The following TGFBRAP1 variants were observed in gnomAD, a reference collection of about 807,000 sequenced individuals.
The protein encoded by TGFBRAP1 is transforming growth factor beta receptor associated protein 1.
In TGFBRAP1, 20 loss-of-function variants were observed where a neutral mutation model predicts 83.2. That is an observed-to-expected ratio of 0.24 (90% CI 0.17 to 0.35). The LOEUF (loss-of-function observed/expected upper bound fraction) is 0.35, where lower values mean the gene tolerates loss of function less well. Among genes scored for constraint, TGFBRAP1 ranks in the 10% least tolerant of loss-of-function variants. The pLI, the probability that TGFBRAP1 is intolerant of heterozygous loss-of-function variation, is 1.00. For missense variants in TGFBRAP1, 950 were observed against 1,099.4 expected (o/e 0.86, Z 1.92); for synonymous variants, 415 against 459.8 (o/e 0.90, Z 1.25).
chr2:105,296,531 G>A (rs1471261789), intron 3 of TGFBRAP1, 21 bp from the exon 4 acceptor site: 1 of 1,595,508 alleles, frequency 6.3e-7, no homozygotes, highest in East Asian at 2.2e-5. Context: ...ATTCAGCATT[G>A]TTGGAAAGAG....
chr2:105,326,029 A>T (rs1679216636), intron 1 of TGFBRAP1, among the ~76,000 whole-genome samples: 1 of 152,226 alleles, frequency 6.6e-6, no homozygotes, highest in Non-Finnish European at 1.5e-5. Flanking sequence ...ATCTAAAAAA[A>T]GAGGATTAAA....
chr2:105,280,318 G>C, intron 6 of TGFBRAP1, 64 bp downstream of exon 6: 1 of 1,531,846 alleles, frequency 6.5e-7, no homozygotes, highest in Non-Finnish European at 8.9e-7. Flanking sequence ...GATCTCCCCA[G>C]CAAAGAGCCT....
intron 1 of TGFBRAP1, among the ~76,000 whole-genome samples, chr2:105,322,337 T>G (rs879782910): frequency 6.6e-6 from 1 of 152,240 alleles, no homozygotes; most frequent in East Asian, 1.9e-4. Context: ...CATTTATTAC[T>G]GAAGAGAAGT....
At position 105,275,540 on chromosome 2, in the gene TGFBRAP1, C is replaced by T; in HGVS notation, c.1665+20G>A. 1.9e-6 allele frequency: 3 copies of T among 1,612,110 alleles called. No homozygotes were observed. The highest frequency in any genetic ancestry group is 2.5e-6 in the Non-Finnish European group (3 of 1,179,226). On this transcript the variant is annotated intron_variant, in intron 8 of 11. Coordinates refer to ENST00000393359, the MANE Select transcript of TGFBRAP1 (RefSeq NM_004257.6). ...CCACCTCCCCCAACCAAAGAGAATG[C>T]ATTTTTACGAAGCACAAACCTCTTC...
rs1221265496 is a variant in TGFBRAP1, at chr2:105,329,637, C to CCGCCGTCCCG, written c.-40_-31dup. 4 of 147,322 alleles carry CCGCCGTCCCG rather than the reference C, an allele frequency of 2.7e-5. No individual in the cohort carries two copies. Among genetic ancestry groups the CCGCCGTCCCG allele is most frequent in the African/African-American group, 9.8e-5 (4 of 40,952 alleles). The allele number at this position is 147,322 out of a possible 1,614,324, so 9.1% of individuals were successfully genotyped here. A position where few individuals can be genotyped will look rare whatever the true frequency, so the allele number is the denominator to read the frequency against. Reference sequence around the variant, plus strand: ...CCTCCTCACTCACCGGCGCCGGCGCCCGCCGTCCCGCGCCGCCCCGCGGCC... The same window carrying CCGCCGTCCCG: ...CCTCCTCACTCACCGGCGCCGGCGCCCGCCGTCCCGCGCCGTCCCGCGCCGCCCCGCGGCC... On this transcript the variant is annotated 5_prime_UTR_variant, in exon 1 of 12. Coordinates refer to ENST00000393359, the MANE Select transcript of TGFBRAP1 (RefSeq NM_004257.6).
Position 105,269,514 on chromosome 2 carries a change from T to C in TGFBRAP1, c.2164A>G (p.Ile722Val). The stretch of plus-strand genomic sequence containing the variant: ...GCAGTGGGGCCAGCATGCAGGTAGA[T>C]GGCCAGCAGCGTGTGAAAGAGTTGC... ...RQQLFHTLLA[I>V]YLHAGPTAHE... The change falls in exon 11 of 12, where the codon ATC becomes GTC. Residue 722 changes from isoleucine to valine, a missense_variant. Coordinates refer to ENST00000393359, the MANE Select transcript of TGFBRAP1 (RefSeq NM_004257.6). The surrounding 1 kb of genome is among the most constrained non-coding windows in gnomAD (Gnocchi z 4.1). 1.2e-6 allele frequency: 2 copies of C among 1,612,902 alleles called. No individual in the cohort carries two copies. Among genetic ancestry groups the C allele is most frequent in the South Asian group, 1.1e-5 (1 of 90,948 alleles).
the TGFBRAP1 span, among the ~76,000 whole-genome samples, chr2:105,255,276 C>T: frequency 6.6e-6 from 1 of 152,172 alleles, no homozygotes; most frequent in East Asian, 1.9e-4. Flanking sequence ...TCAGCCAATT[C>T]CTAGAGGCAG....
rs573469103 is a variant in TGFBRAP1 at position 105,283,809 on chromosome 2, C to T, written c.1121+507G>A. ...GAGTAATCACAGTGCCAGAAGGGACCTCCTTAAGAGAAACTCAACTTTCTG... is the reference window on the plus strand; with the variant it reads ...GAGTAATCACAGTGCCAGAAGGGACTTCCTTAAGAGAAACTCAACTTTCTG... On this transcript the variant is annotated intron_variant, in intron 5 of 11. Transcript: ENST00000393359. Among the ~76,000 whole-genome samples the T allele has an allele frequency of 9.5e-4, 145 of 152,318 alleles. 1 individual carries two copies. Among genetic ancestry groups the T allele is most frequent in the Non-Finnish European group, 1.6e-3 (109 of 68,032 alleles).
At position 105,277,618 on chromosome 2, in the gene TGFBRAP1, A is replaced by T. The variant is rs201428597; in HGVS notation, c.1517T>A (p.Val506Asp). ...TGGAAACCCTTCTAGACTCACCTGA[A>T]CTGCAGCAGCATCTTGGTTATTATA... ...YHYNNQDAAA[V>D]QLWVNIVNGD... The change falls in exon 7 of 12, where the codon GTT (valine) becomes GAT (aspartate). Residue 506 changes from valine to aspartate, a missense_variant. Physicochemically the swap from Val to Asp is radical, Grantham distance 152. Coordinates refer to ENST00000393359, the MANE Select transcript of TGFBRAP1 (RefSeq NM_004257.6). 9.3e-6 allele frequency: 15 copies of T among 1,614,166 alleles called. No individual in the cohort carries two copies. The highest frequency in any genetic ancestry group is 8.5e-7 in the Non-Finnish European group (1 of 1,180,016).
intron 10 of TGFBRAP1, among the ~76,000 whole-genome samples, 193 bp downstream of exon 10, chr2:105,272,662 A>T (rs745620649): frequency 3.7e-4 from 56 of 152,138 alleles, no homozygotes; most frequent in Non-Finnish European, 5.0e-4. Context: ...ACTTGAGGCC[A>T]TGAGTTTGAG....
chr2:105,300,087 T>C (rs1305212353), intron 2 of TGFBRAP1, among the ~76,000 whole-genome samples: 4 of 152,192 alleles, frequency 2.6e-5, no homozygotes, highest in African/African-American at 4.8e-5. Context: ...TTATCTAAGC[T>C]GGGAGAAGGA....
chr2:105,252,315 G>A, the TGFBRAP1 span, among the ~76,000 whole-genome samples: 240 of 152,294 alleles, frequency 1.6e-3, no homozygotes, highest in Non-Finnish European at 3.0e-3. Context: ...AAGGAACAAT[G>A]GGAAGCTTAA....
chr2:105,284,586 A>G (rs1364752090), intron 4 of TGFBRAP1, among the ~76,000 whole-genome samples, 188 bp from the exon 5 acceptor site: 1 of 152,142 alleles, frequency 6.6e-6, no homozygotes, highest in African/African-American at 2.4e-5. Context: ...GTAATTCCCC[A>G]ATCTTTCCCA....
intron 11 of TGFBRAP1, among the ~76,000 whole-genome samples, chr2:105,268,270 A>G (rs1398791338): frequency 6.6e-6 from 1 of 152,212 alleles, no homozygotes; most frequent in East Asian, 1.9e-4. Flanking sequence ...TCGACATGGC[A>G]GGCTTAGCCC....
intron 1 of TGFBRAP1, among the ~76,000 whole-genome samples, chr2:105,311,155 A>C (rs2679858): frequency 0.31 from 44,547 of 144,334 alleles, 6,893 homozygotes; most frequent in South Asian, 0.36. Flanking sequence ...TAAAAAAAAA[A>C]AAAAAACAAA....
Position 105,307,813 on chromosome 2 carries a change from C to A in TGFBRAP1, c.489G>T (p.Glu163Asp). ...CGAGGGGCTGCTCGGCAGTCGACAC[C>A]TCCTTGACGATCTGCACCCGGTCCT... ...VYEDRVQIVK[E>D]VSTAEQPLAV... Residue 163 changes from glutamate (E) to aspartate (D), a missense_variant, in exon 2 of 12, where the codon GAG becomes GAT. Coordinates refer to ENST00000393359, the MANE Select transcript of TGFBRAP1 (RefSeq NM_004257.6). The A allele has an allele frequency of 6.2e-7, 1 of 1,614,210 alleles. No individual in the cohort carries two copies. The highest frequency in any genetic ancestry group is 1.3e-5 in the African/African-American group (1 of 75,052).
chr2:105,268,283 C>T (rs1677016196), intron 11 of TGFBRAP1, among the ~76,000 whole-genome samples: 1 of 152,186 alleles, frequency 6.6e-6, no homozygotes, highest in African/African-American at 2.4e-5. Context: ...CTTAGCCCTA[C>T]AGACACTGAG....
At chr2:105,289,844 CAGAT>C (rs1677843308) in intron 4 of TGFBRAP1, among the ~76,000 whole-genome samples, 1 of 152,138 alleles carries the variant, frequency 6.6e-6, no homozygotes. Context: ...TTAATGTTGA[CAGAT>C]ATTCTTGAAT....
chr2:105,274,140 C>T (rs1008890448), intron 8 of TGFBRAP1, among the ~76,000 whole-genome samples: 4 of 152,226 alleles, frequency 2.6e-5, no homozygotes, highest in Admixed American at 1.3e-4. Context: ...ACTCACTTCT[C>T]TGAACATGGA....
Sources: allele counts gnomAD v4.1 joint callset (sites outside exome capture counted in the v4.1 genomes callset), GRCh38; gene constraint gnomAD v4.1.1; non-coding constraint Gnocchi (gnomAD v3.1); transcripts MANE v1.5; gene names NCBI Gene and HGNC (gene_info 2026-07-23, HGNC 2026-07-21).